Variants in RET observed in about 807,000 individuals in gnomAD.
The protein encoded by RET is ret proto-oncogene.
RET carries 19 observed loss-of-function variants against 118.3 expected under a neutral mutation model. That is an observed-to-expected ratio of 0.16 (90% CI 0.11 to 0.24). The LOEUF (loss-of-function observed/expected upper bound fraction) is 0.24, where lower values mean the gene tolerates loss of function less well. RET is among the 10% of genes least tolerant of loss of function. RET has a pLI of 1.00. For missense variants in RET, 1,219 were observed against 1,502.1 expected, an observed-to-expected ratio of 0.81 and a Z score of 3.12; for synonymous variants, 597 against 644.1, an observed-to-expected ratio of 0.93 and a Z score of 1.11.
At chr10:43,086,865 C>G (rs1444414372) in intron 1 of RET, among the ~76,000 whole-genome samples, 1 of 152,218 alleles carries the variant, frequency 6.6e-6, no homozygotes, top group Admixed American at 6.5e-5. Flanking sequence ...GGCCTGGGCC[C>G]CTCAGAGCAG....
At chr10:43,105,307 T>C (rs1207887306) in intron 4 of RET, 114 bp downstream of exon 4, 1 of 1,499,764 alleles carries the variant, frequency 6.7e-7, no homozygotes, top group African/African-American at 1.4e-5. Context: ...CCATTCGCGC[T>C]TTCATTTGTC....
chr10:43,127,333 T>A (rs1838358252), intron 19 of RET: 1 of 1,068,624 alleles, frequency 9.4e-7, no homozygotes, highest in Non-Finnish European at 1.1e-6. Flanking sequence ...TGTTTTCACA[T>A]CCTTTCCCTT....
At chr10:43,082,305 T>C (rs1211641886) in intron 1 of RET, among the ~76,000 whole-genome samples, 1 of 152,200 alleles carries the variant, frequency 6.6e-6, no homozygotes, top group Admixed American at 6.5e-5. Context: ...CACCTGGCCC[T>C]GGAGGGAGCA....
chr10:43,105,479 G>A (rs1273379899), intron 4 of RET, among the ~76,000 whole-genome samples: 1 of 152,142 alleles, frequency 6.6e-6, no homozygotes, highest in Non-Finnish European at 1.5e-5. Flanking sequence ...CGCGCTGCCC[G>A]GGCGGGGAGC....
chr10:43,100,541 C>T lies in RET; in HGVS notation c.156C>T (p.Tyr52=), dbSNP rs866099980. 18 of 1,613,830 alleles carry T rather than the reference C, an allele frequency of 1.1e-5. No homozygotes were observed. The highest frequency in any genetic ancestry group is 3.3e-4 in the Middle Eastern group (2 of 6,084). ...AGGCAGCCGGCACGCCCTTGCTGTA[C>T]GTCCATGCCCTGCGGGACGCCCCTG... ...VDQAAGTPLL[Y]VHALRDAPEE... The change falls in exon 2 of 20, where the codon TAC becomes TAT. Residue 52 remains tyrosine, a synonymous_variant. Transcript: ENST00000355710.
chr10:43,077,310 C>T lies in RET; in HGVS notation c.52C>T (p.Leu18=), dbSNP rs2132498926. Residue 18 remains leucine, a synonymous_variant, in exon 1 of 20, where the codon CTG becomes TTG. Coordinates refer to ENST00000355710, the MANE Select transcript of RET (RefSeq NM_020975.6). The part of the protein sequence containing the change: ...AAGLRLLLLL[L]LPLLGKVALG... ...GGGGCTGCGTCTGCTGTTGCTGCTGCTGCTGCCGCTGCTAGGCAAAGGTGA... is the reference window on the plus strand; with the variant it reads ...GGGGCTGCGTCTGCTGTTGCTGCTGTTGCTGCCGCTGCTAGGCAAAGGTGA... 3 of 1,511,764 alleles carry T rather than the reference C, an allele frequency of 2.0e-6. No individual in the cohort carries two copies. Among genetic ancestry groups the T allele is most frequent in the South Asian group, 1.2e-5 (1 of 81,440 alleles). The allele number at this position is 1,511,764 out of a possible 1,614,324, so 93.6% of individuals were successfully genotyped here. A position where few individuals can be genotyped will look rare whatever the true frequency, so the allele number is the denominator to read the frequency against.
Position 43,128,375 on chromosome 10 carries a change from C to A in RET, c.*106C>A. ...AACGTCACATTGGCCGAGCCGTGTTCAGTTCCCAGGTGGCAGACTCGTTTT... is the reference window on the plus strand; with the variant it reads ...AACGTCACATTGGCCGAGCCGTGTTAAGTTCCCAGGTGGCAGACTCGTTTT... On this transcript the variant is annotated 3_prime_UTR_variant, in exon 20 of 20. Transcript: ENST00000355710. 1 of 1,364,582 alleles carries A rather than the reference C, an allele frequency of 7.3e-7. No individual in the cohort carries two copies. The highest frequency in any genetic ancestry group is 1.0e-6 in the Non-Finnish European group (1 of 960,998). 84.5% of individuals were successfully genotyped at this position (1,364,582 alleles called of 1,614,324 possible).
Position 43,106,018 on chromosome 10 carries a change from C to G in RET, c.868-358C>G, listed in dbSNP as rs1837764853. Reference sequence around the variant, plus strand: ...GTGTGACCTTGACCTGACCTTCACCCTGTGGGGCCCAGCTTCCTCAGGGGA... The same window carrying G: ...GTGTGACCTTGACCTGACCTTCACCGTGTGGGGCCCAGCTTCCTCAGGGGA... On this transcript the variant is annotated intron_variant, in intron 4 of 19. Coordinates refer to ENST00000355710, the MANE Select transcript of RET (RefSeq NM_020975.6). This position sits in a 1 kb window ranked among gnomAD's most constrained non-coding sequence, Gnocchi z 5.1. Among the ~76,000 whole-genome samples the G allele has an allele frequency of 6.6e-6, 1 of 152,220 alleles. No individual in the cohort carries two copies. Among genetic ancestry groups the G allele is most frequent in the South Asian group, 2.1e-4 (1 of 4,832 alleles).
chr10:43,112,812 G>A, intron 8 of RET, 41 bp from the exon 9 acceptor site: 1 of 1,539,714 alleles, frequency 6.5e-7, no homozygotes, highest in Non-Finnish European at 9.0e-7. Flanking sequence ...CGTGTGGCGG[G>A]GCTCCCACAT....
chr10:43,124,835 G>C, intron 17 of RET, 48 bp from the exon 18 acceptor site: 2 of 1,590,414 alleles, frequency 1.3e-6, no homozygotes, highest in Non-Finnish European at 1.7e-6. Context: ...GTCCTTCTGA[G>C]ACCTGGCCCT....
In RET at chr10:43,102,526, C is replaced by CCGCATT; in HGVS notation, c.525_530dup (p.Ile176_Arg177dup). 6.2e-7 allele frequency: 1 copy of CCGCATT among 1,614,266 alleles called. No homozygotes were observed. Among genetic ancestry groups the CCGCATT allele is most frequent in the Non-Finnish European group, 8.5e-7 (1 of 1,180,050 alleles). On this transcript the variant is annotated inframe_insertion, in exon 3 of 20. Coordinates refer to ENST00000355710, the MANE Select transcript of RET (RefSeq NM_020975.6). Reference sequence around the variant, plus strand: ...GCTTCCCAGAGACAAGGCCCTCCTTCCGCATTCGGGAGAACCGACCCCCAG... The same window carrying CCGCATT: ...GCTTCCCAGAGACAAGGCCCTCCTTCCGCATTCGCATTCGGGAGAACCGACCCCCAG...
rs776955674 is a variant in RET at position 43,122,167 on chromosome 10, C to T, written c.2801+151C>T. On this transcript the variant is annotated intron_variant, in intron 16 of 19. Transcript: ENST00000355710. Reference sequence around the variant, plus strand: ...AGTGCTAGCCCTCTGCAATGACCCCCTCACTGAGGGGCCTTCATGATGTGT... The same window carrying T: ...AGTGCTAGCCCTCTGCAATGACCCCTTCACTGAGGGGCCTTCATGATGTGT... 5.4e-6 allele frequency: 4 copies of T among 746,570 alleles called. No individual in the cohort carries two copies. In the Admixed American group the frequency reaches 7.3e-5, roughly 14 times the overall value. 46.2% of individuals were successfully genotyped at this position (746,570 alleles called of 1,614,324 possible).
intron 1 of RET, among the ~76,000 whole-genome samples, chr10:43,091,109 TC>T (rs1186117801): frequency 6.6e-6 from 1 of 151,544 alleles, no homozygotes; most frequent in African/African-American, 2.4e-5. Context: ...AAAACTGGGA[TC>T]CCCCTATAAA....
intron 8 of RET, 124 bp from the exon 9 acceptor site, chr10:43,112,729 A>G: frequency 4.0e-6 from 3 of 754,810 alleles, no homozygotes; most frequent in Non-Finnish European, 7.0e-6. Context: ...GGCTCTGTAT[A>G]TGGTGTTTCC....
At chr10:43,124,261 G>A (rs1216546261) in intron 17 of RET, among the ~76,000 whole-genome samples, 1 of 152,116 alleles carries the variant, frequency 6.6e-6, no homozygotes, top group Non-Finnish European at 1.5e-5. Context: ...AGATGAGAAA[G>A]GGCTGCCCAG....
At position 43,106,483 on chromosome 10, in the gene RET, C is replaced by T. The variant is rs754806583; in HGVS notation, c.975C>T (p.Ala325=). The part of the protein sequence containing the change: ...TSTLLPGDTW[A]QQTFRVEHWP... ...CGCTGCTCCCCGGGGACACCTGGGC[C>T]CAGCAGACCTTCCGGGTGGAACACT... Residue 325 remains alanine (A), a synonymous_variant, in exon 5 of 20, where the codon GCC becomes GCT. Transcript: ENST00000355710. This position sits in a 1 kb window ranked among gnomAD's most constrained non-coding sequence, Gnocchi z 5.1. 1.2e-6 allele frequency: 2 copies of T among 1,613,654 alleles called. No homozygotes were observed. Among genetic ancestry groups the T allele is most frequent in the Non-Finnish European group, 1.7e-6 (2 of 1,179,836 alleles).
chr10:43,121,397 G>A (rs1410838889), intron 15 of RET, among the ~76,000 whole-genome samples: 3 of 152,168 alleles, frequency 2.0e-5, no homozygotes, highest in Non-Finnish European at 4.4e-5. Context: ...GGATTTGTTA[G>A]GTCAGACCCC....
At chr10:43,122,582 A>T (rs958141277) in intron 16 of RET, among the ~76,000 whole-genome samples, 1 of 152,184 alleles carries the variant, frequency 6.6e-6, no homozygotes, top group Admixed American at 6.5e-5. Context: ...AGTGTTCTAC[A>T]GTCAGCAGAG....
chr10:43,079,035 C>G (rs1454522385), intron 1 of RET, among the ~76,000 whole-genome samples: 2 of 152,222 alleles, frequency 1.3e-5, no homozygotes, highest in Admixed American at 1.3e-4. Flanking sequence ...AAGGACCGCC[C>G]CAGTGAGCCC....
Sources: gnomAD v4.1 joint callset for allele counts (sites outside exome capture counted in the v4.1 genomes callset) on GRCh38, gnomAD v4.1.1 for gene constraint, Gnocchi (gnomAD v3.1) non-coding constraint, MANE v1.5 for transcripts, NCBI Gene and HGNC (gene_info 2026-07-23, HGNC 2026-07-21) for gene names.